KLF8: variants seen among roughly 807,000 people sequenced by gnomAD.
KLF8 encodes KLF transcription factor 8.
Under a neutral mutation model 18.2 loss-of-function variants are expected in KLF8, and 10 were observed. That is an observed-to-expected ratio of 0.55 (90% CI 0.34 to 0.93). The LOEUF is 0.93. Among genes scored for constraint, KLF8 ranks in the 40% least tolerant of loss-of-function variants. KLF8 has a pLI of 0.02. For synonymous variants in KLF8, 109 were observed against 97.3 expected, an observed-to-expected ratio of 1.12 and a Z score of -0.71; for missense variants, 264 against 277.9, an observed-to-expected ratio of 0.95 and a Z score of 0.36.
chrX:56,179,479 T>C, the KLF8 span, among the ~76,000 whole-genome samples: 2 of 112,246 alleles, frequency 1.8e-5, no homozygotes, highest in Non-Finnish European at 3.8e-5. Flanking sequence ...TGAATACCTT[T>C]ATTTCTTTCT....
the KLF8 span, among the ~76,000 whole-genome samples, chrX:56,097,454 C>G: frequency 1.9e-5 from 2 of 107,042 alleles, no homozygotes; most frequent in African/African-American, 6.8e-5. Flanking sequence ...CTCAGGGTCT[C>G]AGGTAGCTGG....
chrX:56,233,121 G>T lies in KLF8; in HGVS notation c.-214G>T. 1 of 441,255 alleles carries T rather than the reference G, an allele frequency of 2.3e-6. No homozygotes were observed. 36.4% of individuals were successfully genotyped at this position (441,255 alleles called of 1,213,427 possible). On this transcript the variant is annotated 5_prime_UTR_variant, in exon 1 of 6. Coordinates refer to ENST00000468660, the MANE Select transcript of KLF8 (RefSeq NM_007250.5). Reference sequence around the variant, plus strand: ...AGAGTGGCCCAGCTGGGTCTGAATCGACTCCCTCCCCTTTCGACCCCCTCC... The same window carrying T: ...AGAGTGGCCCAGCTGGGTCTGAATCTACTCCCTCCCCTTTCGACCCCCTCC...
chrX:56,170,126 A>T, the KLF8 span, among the ~76,000 whole-genome samples: 1 of 111,498 alleles, frequency 9.0e-6, no homozygotes, highest in South Asian at 3.8e-4. Context: ...CCACAGCATT[A>T]GTGGACTTGG....
the KLF8 span, among the ~76,000 whole-genome samples, chrX:55,973,037 T>A: frequency 8.9e-6 from 1 of 112,260 alleles, no homozygotes; most frequent in South Asian, 3.6e-4. Flanking sequence ...TGGAGCAGAT[T>A]AGGGAACCTA....
At chrX:56,167,212 C>T in the KLF8 span, among the ~76,000 whole-genome samples, 2 of 111,474 alleles carry the variant, frequency 1.8e-5, no homozygotes, top group African/African-American at 6.5e-5. Flanking sequence ...CTCACTGCAA[C>T]CACCGCCTCC....
At chrX:56,058,308 A>ATATATATATACG in the KLF8 span, among the ~76,000 whole-genome samples, 1 of 78,947 alleles carries the variant, frequency 1.3e-5, no homozygotes, top group African/African-American at 4.5e-5. Flanking sequence ...ATATATATAT[A>ATATATATATACG]TATATATATA....
chrX:55,922,166 G>A, the KLF8 span, among the ~76,000 whole-genome samples: 1 of 112,729 alleles, frequency 8.9e-6, no homozygotes, highest in African/African-American at 3.2e-5. Flanking sequence ...ACATGCATAC[G>A]TATGTTCATT....
intron 1 of KLF8, among the ~76,000 whole-genome samples, chrX:56,248,946 C>T (rs758635436): frequency 9.0e-6 from 1 of 111,652 alleles, no homozygotes; most frequent in South Asian, 3.8e-4. Flanking sequence ...CAAAAACCTT[C>T]GAAAATGTGA....
At chrX:56,177,986 A>C in the KLF8 span, among the ~76,000 whole-genome samples, 3 of 111,826 alleles carry the variant, frequency 2.7e-5, no homozygotes, top group Admixed American at 2.8e-4. Flanking sequence ...CCTATTTTCC[A>C]GGTGCCATCT....
the KLF8 span, among the ~76,000 whole-genome samples, chrX:56,184,205 G>T: frequency 8.9e-6 from 1 of 112,177 alleles, no homozygotes. Flanking sequence ...AAAAAATGGC[G>T]CACCAGGAGA....
At chrX:56,080,300 C>A in the KLF8 span, among the ~76,000 whole-genome samples, 1 of 110,944 alleles carries the variant, frequency 9.0e-6, no homozygotes, top group East Asian at 2.8e-4. Flanking sequence ...TTGTTCCTTT[C>A]CATGTTTAGT....
chrX:56,027,283 A>T, the KLF8 span, among the ~76,000 whole-genome samples: 2 of 111,821 alleles, frequency 1.8e-5, no homozygotes, highest in South Asian at 3.8e-4. Flanking sequence ...GCTGCTTTTC[A>T]TGCCTCTGTG....
At chrX:56,161,313 C>T in the KLF8 span, among the ~76,000 whole-genome samples, 114 of 111,143 alleles carry the variant, frequency 1.0e-3, no homozygotes, top group African/African-American at 3.7e-3. Context: ...GAATGTTGGC[C>T]TGCCTTGCTA....
chrX:56,200,915 A>G, the KLF8 span, among the ~76,000 whole-genome samples: 4 of 111,880 alleles, frequency 3.6e-5, no homozygotes, highest in Non-Finnish European at 5.6e-5. Context: ...TCACAATAAT[A>G]TATCACATCA....
chrX:56,037,349 C>T, the KLF8 span, among the ~76,000 whole-genome samples: 6 of 109,938 alleles, frequency 5.5e-5, no homozygotes, highest in African/African-American at 1.4e-4. Flanking sequence ...CATCTGTGTT[C>T]GTCAGGAAGA....
the KLF8 span, among the ~76,000 whole-genome samples, chrX:56,225,170 A>G: frequency 1.3e-4 from 14 of 111,495 alleles, no homozygotes; most frequent in Non-Finnish European, 5.6e-5. Context: ...GGTGTACTAT[A>G]ATTTAGTTAC....
the KLF8 span, among the ~76,000 whole-genome samples, chrX:55,937,416 G>T: frequency 8.9e-6 from 1 of 111,819 alleles, no homozygotes; most frequent in Non-Finnish European, 1.9e-5. Context: ...AAACCACAAA[G>T]ATGGGGAAAA....
chrX:56,055,178 C>A, the KLF8 span, among the ~76,000 whole-genome samples: 1 of 111,782 alleles, frequency 8.9e-6, no homozygotes, highest in Non-Finnish European at 1.9e-5. Flanking sequence ...TGTTACTGGC[C>A]TCTGTATTTC....
chrX:56,047,899 C>T, the KLF8 span, among the ~76,000 whole-genome samples: 1 of 111,628 alleles, frequency 9.0e-6, no homozygotes, highest in East Asian at 2.8e-4. Context: ...AAAAGTGTTC[C>T]TGTTTCTCCA....
Sources: allele counts gnomAD v4.1 joint callset (sites outside exome capture counted in the v4.1 genomes callset), GRCh38; gene constraint gnomAD v4.1.1; transcripts MANE v1.5; gene names NCBI Gene and HGNC (gene_info 2026-07-23, HGNC 2026-07-21).